SEMA4D: variants seen among roughly 807,000 people sequenced by gnomAD.
SEMA4D encodes semaphorin-4D.
A neutral mutation model predicts 74.8 loss-of-function variants in SEMA4D; 22 were observed. That is an observed-to-expected ratio of 0.29 (90% CI 0.21 to 0.42). The LOEUF (loss-of-function observed/expected upper bound fraction) is 0.42. SEMA4D is among the 10% of genes least tolerant of loss of function. The pLI, the probability that SEMA4D is intolerant of heterozygous loss-of-function variation, is 1.00. For synonymous variants in SEMA4D, 445 were observed against 463.7 expected, an observed-to-expected ratio of 0.96 and a Z score of 0.52; for missense variants, 937 against 1,118.4, an observed-to-expected ratio of 0.84 and a Z score of 2.31.
At chr9:89,366,335 AT>A (rs199595838) in intron 16 of SEMA4D, among the ~76,000 whole-genome samples, 1,872 of 152,312 alleles carry the variant, frequency 0.012, 34 homozygotes, top group African/African-American at 0.042. Context: ...TTCCAAACTT[AT>A]AACAAACAAG....
chr9:89,471,112 T>C (rs1292753549), intron 1 of SEMA4D, among the ~76,000 whole-genome samples: 1 of 152,248 alleles, frequency 6.6e-6, no homozygotes, highest in East Asian at 1.9e-4. Context: ...TCTTTTAAAA[T>C]ACCTTTATTT....
chr9:89,391,484 G>A lies in SEMA4D; in HGVS notation c.623-69C>T, dbSNP rs148069726. 3.2e-5 allele frequency: 50 copies of A among 1,539,360 alleles called. No individual in the cohort carries two copies. In the South Asian group the frequency reaches 4.3e-4, roughly 13 times the overall value. On this transcript the variant is annotated intron_variant, in intron 8 of 15. Transcript: ENST00000422704. ...GGACTGCCTGCACCCATGAGGTCAC[G>A]AGGCCGGCCAACACTACCTTGGGGG...
chr9:89,444,302 A>G lies in SEMA4D; in HGVS notation c.-244+11586T>C, dbSNP rs138488778. Among the ~76,000 whole-genome samples the G allele has an allele frequency of 9.2e-5, 14 of 152,264 alleles. 1 individual carries two copies. The East Asian group carries it at 2.7e-3, about 29-fold the overall frequency. On this transcript the variant is annotated intron_variant, in intron 2 of 15. Coordinates refer to ENST00000422704, the MANE Select transcript of SEMA4D (RefSeq NM_001371194.2). ...TTATCATGCTCTGCCCAGGAGTCATAAGGAGAAACACAGGCAAACACATAC... is the reference window on the plus strand; with the variant it reads ...TTATCATGCTCTGCCCAGGAGTCATGAGGAGAAACACAGGCAAACACATAC...
chr9:89,464,579 G>C lies in SEMA4D; in HGVS notation c.-309-8626C>G, dbSNP rs141262075. On this transcript the variant is annotated intron_variant, in intron 1 of 15. Coordinates refer to ENST00000422704, the MANE Select transcript of SEMA4D (RefSeq NM_001371194.2). ...GCAGCAACAGGTCCTCTCCCTGCAA[G>C]ATCATGGGAACAAAGAAGAGGACAG... Among the ~76,000 whole-genome samples the C allele has an allele frequency of 1.7e-3, 265 of 152,338 alleles. 1 individual carries two copies. Among genetic ancestry groups the C allele is most frequent in the African/African-American group, 6.1e-3 (254 of 41,574 alleles).
intron 2 of SEMA4D, among the ~76,000 whole-genome samples, chr9:89,437,459 G>A (rs890363366): frequency 2.6e-5 from 4 of 152,188 alleles, no homozygotes. Flanking sequence ...GACACTGCAG[G>A]TGTGGCCTCC....
intron 2 of SEMA4D, chr9:89,449,810 CTG>C: frequency 1.3e-6 from 2 of 1,494,804 alleles, no homozygotes; most frequent in Non-Finnish European, 1.9e-6. Context: ...TGGTAAATAA[CTG>C]TGTATGTCAC....
At chr9:89,367,263 G>T (rs192603489) in intron 16 of SEMA4D, 1 of 152,454 alleles carries the variant, frequency 6.6e-6, no homozygotes, top group East Asian at 1.9e-4. Flanking sequence ...GCAAACCCAC[G>T]TATGTCCCAC....
intron 2 of SEMA4D, among the ~76,000 whole-genome samples, chr9:89,444,210 C>T (rs1852299892): frequency 6.6e-6 from 1 of 152,224 alleles, no homozygotes; most frequent in Non-Finnish European, 1.5e-5. Flanking sequence ...TTCACCTTGG[C>T]CTCCCTCCCC....
chr9:89,372,617 C>T (rs73654768), downstream of SEMA4D, among the ~76,000 whole-genome samples: 42,581 of 151,878 alleles, frequency 0.28, 6,823 homozygotes, highest in African/African-American at 0.43. Flanking sequence ...CTGAGGCAGT[C>T]GGCCACTCCC....
chr9:89,495,858 A>G (rs534956965), intron 1 of SEMA4D, among the ~76,000 whole-genome samples: 12 of 151,744 alleles, frequency 7.9e-5, no homozygotes, highest in African/African-American at 2.9e-4. Context: ...AACAGCCTCA[A>G]TGCAGAAGCA....
At chr9:89,402,729 G>A in intron 4 of SEMA4D, 142 bp downstream of exon 4, 1 of 817,002 alleles carries the variant, frequency 1.2e-6, no homozygotes, top group Non-Finnish European at 1.9e-6. Context: ...AACTGCTGGT[G>A]GACACCCAAA....
intron 2 of SEMA4D, among the ~76,000 whole-genome samples, chr9:89,443,818 T>G (rs1852218791): frequency 6.6e-6 from 1 of 152,216 alleles, no homozygotes; most frequent in African/African-American, 2.4e-5. Flanking sequence ...CCTGCCCTGC[T>G]AAAGCAGTGC....
At chr9:89,371,423 CTGGGGTGTGTGTG>C (rs1564498334) in intron 16 of SEMA4D, among the ~76,000 whole-genome samples, 9 of 27,958 alleles carry the variant, frequency 3.2e-4, no homozygotes, top group South Asian at 1.5e-3. Flanking sequence ...TGGTGTGTGT[CTGGGGTGTGTGTG>C]TGGGGTGTGG....
intron 13 of SEMA4D, among the ~76,000 whole-genome samples, chr9:89,383,788 A>C (rs1428717714): frequency 6.6e-6 from 1 of 152,208 alleles, no homozygotes; most frequent in Non-Finnish European, 1.5e-5. Context: ...AAGGCAAAGA[A>C]AAAAAGCCTG....
In SEMA4D at chr9:89,455,624, G is replaced by C. The variant is rs752447077; in HGVS notation, c.-244+264C>G. On this transcript the variant is annotated intron_variant, in intron 2 of 15. Coordinates refer to ENST00000422704, the MANE Select transcript of SEMA4D (RefSeq NM_001371194.2). ...AACAAGCCACACTCAGCATTGCCTCGCTCATTGCCTCCCCTGCCCCACCCA... is the reference window on the plus strand; with the variant it reads ...AACAAGCCACACTCAGCATTGCCTCCCTCATTGCCTCCCCTGCCCCACCCA... 3.3e-5 allele frequency among the ~76,000 whole-genome samples: 5 copies of C among 152,102 alleles called. 1 individual carries two copies. Among genetic ancestry groups the C allele is most frequent in the Non-Finnish European group, 5.9e-5 (4 of 68,006 alleles).
In SEMA4D at chr9:89,378,709, C is replaced by A. The variant is rs766677552; in HGVS notation, c.2584G>T (p.Asp862Tyr). The change falls in exon 16 of 16, where the codon GAC becomes TAC. Residue 862 changes from aspartate to tyrosine, a missense_variant. Transcript: ENST00000422704. The stretch of plus-strand genomic sequence containing the variant: ...GCGGGGATGCACAGCCGGCCTCAGT[C>A]TCCATCTGCGTCTGAGTCAGCGAAC... ...LKFADSDADG[D>Y] 3 of 1,613,286 alleles carry A rather than the reference C, an allele frequency of 1.9e-6. No homozygotes were observed. The South Asian group carries it at 3.3e-5, about 18-fold the overall frequency.
At chr9:89,431,699 T>C (rs1264868466) in intron 2 of SEMA4D, among the ~76,000 whole-genome samples, 1 of 152,140 alleles carries the variant, frequency 6.6e-6, no homozygotes, top group Non-Finnish European at 1.5e-5. Flanking sequence ...GGTCTTGCTA[T>C]GTTGCCCAGG....
chr9:89,400,986 G>A (rs565543025), intron 4 of SEMA4D, among the ~76,000 whole-genome samples: 4 of 152,326 alleles, frequency 2.6e-5, no homozygotes, highest in South Asian at 4.1e-4. Context: ...ACAGACACGC[G>A]AAGAGTAAGA....
downstream of SEMA4D, among the ~76,000 whole-genome samples, chr9:89,372,601 T>C (rs1426405417): frequency 2.6e-5 from 4 of 152,026 alleles, no homozygotes; most frequent in African/African-American, 7.2e-5. Flanking sequence ...GCGGCCACAG[T>C]GCACACTGAG....
Sources: allele counts gnomAD v4.1 joint callset (sites outside exome capture counted in the v4.1 genomes callset), GRCh38; gene constraint gnomAD v4.1.1; transcripts MANE v1.5; gene names NCBI Gene and HGNC (gene_info 2026-07-23, HGNC 2026-07-21).